Variants in TASP1 observed in about 807,000 individuals in gnomAD.
The protein encoded by TASP1 is taspase 1.
A neutral mutation model predicts 56.6 loss-of-function variants in TASP1; 16 were observed. The ratio of observed to expected loss-of-function variants is 0.28; its 90% confidence interval spans 0.19 to 0.43. The LOEUF is 0.43. Among genes scored for constraint, TASP1 ranks in the 20% least tolerant of loss-of-function variants. The pLI, the probability that TASP1 is intolerant of heterozygous loss-of-function variation, is 1.00. For synonymous variants in TASP1, 179 were observed against 184.2 expected (o/e 0.97, Z 0.23); for missense variants, 393 against 511.6 (o/e 0.77, Z 2.24).
At chr20:13,131,019 G>A in the TASP1 span, among the ~76,000 whole-genome samples, 206 of 152,290 alleles carry the variant, frequency 1.4e-3, no homozygotes, top group African/African-American at 4.7e-3. Flanking sequence ...ATCACTCAGT[G>A]ATTGAAGTTA....
chr20:13,532,947 G>A (rs188746967), intron 9 of TASP1, among the ~76,000 whole-genome samples: 3 of 152,272 alleles, frequency 2.0e-5, no homozygotes, highest in East Asian at 1.9e-4. Flanking sequence ...TTGTACATAC[G>A]TTGAGTAATC....
At chr20:13,616,078 T>TACAC (rs906161749) in intron 4 of TASP1, among the ~76,000 whole-genome samples, 1 of 149,954 alleles carries the variant, frequency 6.7e-6, no homozygotes, top group African/African-American at 2.4e-5. Flanking sequence ...CAAATACACA[T>TACAC]ACACACACAC....
intron 5 of TASP1, among the ~76,000 whole-genome samples, chr20:13,583,001 G>A (rs1842571355): frequency 6.6e-6 from 1 of 152,198 alleles, no homozygotes; most frequent in Admixed American, 6.5e-5. Flanking sequence ...CCCACAGGGA[G>A]CAGCTTTCTC....
At chr20:13,308,705 A>G in the TASP1 span, among the ~76,000 whole-genome samples, 1 of 152,204 alleles carries the variant, frequency 6.6e-6, no homozygotes, top group Non-Finnish European at 1.5e-5. Context: ...AAAATTACAG[A>G]TGGATGCATG....
chr20:13,142,977 G>T, the TASP1 span, among the ~76,000 whole-genome samples: 2 of 152,110 alleles, frequency 1.3e-5, no homozygotes, highest in South Asian at 4.1e-4. Context: ...CCTAATCAGG[G>T]CTCTCTTAAT....
the TASP1 span, among the ~76,000 whole-genome samples, chr20:13,276,667 G>A: frequency 1.4e-5 from 2 of 143,896 alleles, no homozygotes; most frequent in African/African-American, 5.6e-5. Flanking sequence ...GACTTTGTCA[G>A]TTTGGAAATC....
the TASP1 span, among the ~76,000 whole-genome samples, chr20:13,296,987 T>C: frequency 6.6e-6 from 1 of 152,060 alleles, no homozygotes; most frequent in Non-Finnish European, 1.5e-5. Flanking sequence ...CACTGCATTC[T>C]AGCCTGGGTG....
At chr20:13,431,426 T>C (rs866735784) in intron 12 of TASP1, among the ~76,000 whole-genome samples, 5 of 152,204 alleles carry the variant, frequency 3.3e-5, no homozygotes, top group African/African-American at 1.2e-4. Flanking sequence ...GGGTCCAATC[T>C]TCTGCTTCTA....
In TASP1 at chr20:13,576,394, A is replaced by AAAGTAAGT. The variant is rs1555793614; in HGVS notation, c.488+4502_488+4503insACTTACTT. 5.4e-5 allele frequency among the ~76,000 whole-genome samples: 8 copies of AAAGTAAGT among 147,268 alleles called. No individual in the cohort carries two copies. In the East Asian group the frequency reaches 1.4e-3, roughly 25 times the overall value. Reference sequence around the variant, plus strand: ...GAAAGAAAGAAAGAAAGAAAGAAAGAAAGTCAGTCTTATGGAATCTATAAA... The same window carrying AAAGTAAGT: ...GAAAGAAAGAAAGAAAGAAAGAAAGAAAGTAAGTAAGTCAGTCTTATGGAATCTATAAA... On this transcript the variant is annotated intron_variant, in intron 6 of 13. Transcript: ENST00000337743.
At chr20:13,460,164 C>T (rs953444986) in intron 11 of TASP1, among the ~76,000 whole-genome samples, 3 of 152,152 alleles carry the variant, frequency 2.0e-5, no homozygotes, top group Non-Finnish European at 4.4e-5. Flanking sequence ...CATCTATCAC[C>T]ACCACAGGGT....
intron 1 of TASP1, among the ~76,000 whole-genome samples, chr20:13,633,398 T>G (rs2049169651): frequency 6.6e-6 from 1 of 152,182 alleles, no homozygotes; most frequent in Non-Finnish European, 1.5e-5. Context: ...AACTTTCGAA[T>G]TTGAACCATC....
chr20:13,187,611 G>A, the TASP1 span, among the ~76,000 whole-genome samples: 1 of 151,740 alleles, frequency 6.6e-6, no homozygotes, highest in Non-Finnish European at 1.5e-5. Context: ...AGCTGGGCGT[G>A]GTAGCGCACA....
At chr20:13,452,568 A>G (rs1164426248) in intron 11 of TASP1, among the ~76,000 whole-genome samples, 1 of 152,054 alleles carries the variant, frequency 6.6e-6, no homozygotes, top group African/African-American at 2.4e-5. Flanking sequence ...AAATATGTAC[A>G]TCTCACTAGA....
At chr20:13,571,420 C>T (rs1164487142) in intron 6 of TASP1, among the ~76,000 whole-genome samples, 5 of 152,202 alleles carry the variant, frequency 3.3e-5, no homozygotes, top group African/African-American at 1.2e-4. Context: ...TCTTCTGATT[C>T]TCCGAGGAGG....
chr20:13,376,795 A>G, the TASP1 span, among the ~76,000 whole-genome samples: 1 of 151,800 alleles, frequency 6.6e-6, no homozygotes, highest in East Asian at 1.9e-4. Flanking sequence ...GTCCTTCACA[A>G]CCCTTGTAAG....
chr20:13,535,205 AC>A (rs1216275918), intron 8 of TASP1, among the ~76,000 whole-genome samples: 2 of 152,166 alleles, frequency 1.3e-5, no homozygotes, highest in Non-Finnish European at 2.9e-5. Context: ...AAAATGACAC[AC>A]TAAAGCCATC....
chr20:13,256,030 G>A, the TASP1 span, among the ~76,000 whole-genome samples: 1 of 151,946 alleles, frequency 6.6e-6, no homozygotes, highest in Admixed American at 6.6e-5. Context: ...CAAGCAGCCA[G>A]TAGGAGAGCA....
chr20:13,290,989 G>A, the TASP1 span, among the ~76,000 whole-genome samples: 3 of 152,168 alleles, frequency 2.0e-5, no homozygotes, highest in Admixed American at 2.0e-4. Context: ...CCAAGAGAAG[G>A]GTATTGGAAT....
chr20:13,504,560 G>A (rs909425836), intron 10 of TASP1, among the ~76,000 whole-genome samples: 2 of 152,202 alleles, frequency 1.3e-5, no homozygotes, highest in South Asian at 2.1e-4. Context: ...ACATAGTCAA[G>A]TTTAGAATAC....
Sources: allele counts gnomAD v4.1 joint callset (sites outside exome capture counted in the v4.1 genomes callset), GRCh38; gene constraint gnomAD v4.1.1; transcripts MANE v1.5; gene names NCBI Gene and HGNC (gene_info 2026-07-23, HGNC 2026-07-21).